TUBGCP2: variants seen among roughly 807,000 people sequenced by gnomAD.
The protein encoded by TUBGCP2 is tubulin gamma complex component 2, also known as gamma-tubulin complex component 2.
A neutral mutation model predicts 92.2 loss-of-function variants in TUBGCP2; 55 were observed. The observed-to-expected ratio is 0.60, with a 90% confidence interval of 0.48 to 0.75. The LOEUF is 0.75. Ranked by LOEUF, TUBGCP2 falls within the 30% of genes least tolerant of loss-of-function variation. TUBGCP2 has a pLI of 0.00. For synonymous variants in TUBGCP2, 533 were observed against 505.2 expected, an observed-to-expected ratio of 1.06 and a Z score of -0.74; for missense variants, 1,093 against 1,188.9, an observed-to-expected ratio of 0.92 and a Z score of 1.19.
At chr10:133,284,401 C>A (rs958249110) in intron 13 of TUBGCP2, among the ~76,000 whole-genome samples, 1 of 152,226 alleles carries the variant, frequency 6.6e-6, no homozygotes, top group African/African-American at 2.4e-5. Flanking sequence ...GTCTTGCTGT[C>A]GCTCAGACTG....
intron 1 of TUBGCP2, 189 bp downstream of exon 1, chr10:133,308,634 C>T (rs947950940): frequency 9.2e-5 from 18 of 195,424 alleles, no homozygotes; most frequent in East Asian, 7.1e-4. Flanking sequence ...GGCCGCGGGG[C>T]AAGACGCTGG....
intron 5 of TUBGCP2, among the ~76,000 whole-genome samples, 199 bp from the exon 6 acceptor site, chr10:133,293,968 T>C (rs2136127620): frequency 6.6e-6 from 1 of 152,358 alleles, no homozygotes; most frequent in South Asian, 2.1e-4. Flanking sequence ...GGGGCCGGCC[T>C]GGGAGGCGTG....
Position 133,302,893 on chromosome 10 carries a change from G to A in TUBGCP2, c.49C>T (p.Leu17=), listed in dbSNP as rs749763356. ...HHDVNELLSL[L]RVHGGDGAEV... ...GCCCCATCTCCTCCGTGGACACGCA[G>A]CAGGCTAAGCAGTTCATTGACGTCA... Residue 17 remains leucine, a synonymous_variant, in exon 2 of 18, where the codon CTG becomes TTG. Transcript: ENST00000252936. The A allele has an allele frequency of 1.2e-6, 2 of 1,614,050 alleles. No individual in the cohort carries two copies. The highest frequency in any genetic ancestry group is 1.7e-6 in the Non-Finnish European group (2 of 1,180,004).
chr10:133,303,423 C>T (rs1024764538), intron 1 of TUBGCP2, among the ~76,000 whole-genome samples: 4 of 152,124 alleles, frequency 2.6e-5, no homozygotes, highest in Non-Finnish European at 5.9e-5. Flanking sequence ...GGGCCTGAGA[C>T]CCAGGTTCCC....
At chr10:133,302,687 CG>C (rs1330648021) in intron 2 of TUBGCP2, 104 bp downstream of exon 2, 1 of 1,423,302 alleles carries the variant, frequency 7.0e-7, no homozygotes, top group Non-Finnish European at 9.6e-7. Context: ...GACCCAGGAA[CG>C]GCGCTCACCC....
chr10:133,286,760 CAT>C (rs1475874157), intron 11 of TUBGCP2, among the ~76,000 whole-genome samples: 1 of 152,208 alleles, frequency 6.6e-6, no homozygotes, highest in African/African-American at 2.4e-5. Context: ...ACTTCACAAA[CAT>C]GTGGAAGTTA....
At chr10:133,296,431 G>A (rs1265099609) in intron 5 of TUBGCP2, among the ~76,000 whole-genome samples, 1 of 151,916 alleles carries the variant, frequency 6.6e-6, no homozygotes, top group Non-Finnish European at 1.5e-5. Context: ...TCACAGTTGG[G>A]TTTTCACAGT....
In TUBGCP2 at chr10:133,281,367, T is replaced by C; in HGVS notation, c.2479A>G (p.Lys827Glu). ...GFEATINKFDKNFSAHLLDLL... is the reference protein window; with the variant it reads ...GFEATINKFDENFSAHLLDLL... Reference sequence around the variant, plus strand: ...TCCAGCAGGTGGGCTGAGAAGTTCTTGTCAAACTTGTTGATGGTGGCCTCG... The same window carrying C: ...TCCAGCAGGTGGGCTGAGAAGTTCTCGTCAAACTTGTTGATGGTGGCCTCG... The change falls in exon 17 of 18, where the codon AAG (lysine) becomes GAG (glutamate). Residue 827 changes from lysine (K) to glutamate (E), a missense_variant. Lys to Glu is a moderately conservative substitution (Grantham distance 56). Around this residue, in one of 3 missense-constraint regions of TUBGCP2, gnomAD observed 598 missense variants for 675.5 expected, o/e 0.89. Coordinates refer to ENST00000252936, the MANE Select transcript of TUBGCP2 (RefSeq NM_006659.4). 6.2e-7 allele frequency: 1 copy of C among 1,613,898 alleles called. No individual in the cohort carries two copies. The highest frequency in any genetic ancestry group is 8.5e-7 in the Non-Finnish European group (1 of 1,180,018).
At chr10:133,309,908 C>T, upstream of TUBGCP2, 5 of 1,613,682 alleles carry the variant, frequency 3.1e-6, no homozygotes, top group Non-Finnish European at 4.2e-6. Context: ...CTTCCGGACA[C>T]CTGCTGGACG....
At chr10:133,309,302 T>C (rs1453680079), upstream of TUBGCP2, 1 of 1,488,784 alleles carries the variant, frequency 6.7e-7, no homozygotes, top group Admixed American at 2.0e-5. Context: ...GAGCGCGGGA[T>C]GACTGGGGCC....
rs920368350 is a variant in TUBGCP2, at chr10:133,282,453, C to A, written c.2290-111G>T. ...CCCTCCGCACCTCTGTTGTAGCCTGCGGCTGGGGGTACACAAGCATCTCTG... is the reference window on the plus strand; with the variant it reads ...CCCTCCGCACCTCTGTTGTAGCCTGAGGCTGGGGGTACACAAGCATCTCTG... On this transcript the variant is annotated intron_variant, in intron 15 of 17. Transcript: ENST00000252936. 5 of 1,391,602 alleles carry A rather than the reference C, an allele frequency of 3.6e-6. No individual in the cohort carries two copies. The South Asian group carries it at 7.5e-5, about 21-fold the overall frequency. 86.2% of individuals were successfully genotyped at this position (1,391,602 alleles called of 1,614,324 possible).
chr10:133,279,457 T>C lies in TUBGCP2; in HGVS notation c.*309A>G. On this transcript the variant is annotated 3_prime_UTR_variant, in exon 18 of 18. Coordinates refer to ENST00000252936, the MANE Select transcript of TUBGCP2 (RefSeq NM_006659.4). ...CACCAGGCCTGGATCTTACCCCACA[T>C]GCATCTTTGCTTGCTCCTGGCTTAA... is the stretch of plus-strand genomic sequence containing the variant. 2 of 351,434 alleles carry C rather than the reference T, an allele frequency of 5.7e-6. No individual in the cohort carries two copies. Among genetic ancestry groups the C allele is most frequent in the South Asian group, 3.7e-5 (1 of 27,134 alleles). The allele number at this position is 351,434 out of a possible 1,614,324, so 21.8% of individuals were successfully genotyped here. A position where few individuals can be genotyped will look rare whatever the true frequency, so the allele number is the denominator to read the frequency against.
chr10:133,288,237 C>A lies in TUBGCP2; in HGVS notation c.1614G>T (p.Glu538Asp). The A allele has an allele frequency of 6.2e-7, 1 of 1,613,804 alleles. No homozygotes were observed. The highest frequency in any genetic ancestry group is 8.5e-7 in the Non-Finnish European group (1 of 1,179,970). ...FVHFMDLAEEELRKPVEDITP... is the reference protein window; with the variant it reads ...FVHFMDLAEEDLRKPVEDITP... ...TGATGTCCTCCACCGGCTTCCGGAG[C>A]TCCTCCTCCGCGAGGTCCATGAAGT... Residue 538 changes from glutamate (E) to aspartate (D), a missense_variant, in exon 11 of 18, where the codon GAG becomes GAT. Physicochemically the swap from Glu to Asp is conservative, Grantham distance 45 (BLOSUM62 2). Coordinates refer to ENST00000252936, the MANE Select transcript of TUBGCP2 (RefSeq NM_006659.4).
intron 14 of TUBGCP2, 86 bp downstream of exon 14, chr10:133,283,796 C>T: frequency 6.4e-7 from 1 of 1,570,770 alleles, no homozygotes. Context: ...CTGCCTCTCC[C>T]CTCGCCCTGC....
Position 133,279,435 on chromosome 10 carries a change from C to G in TUBGCP2, c.*331G>C. The G allele has an allele frequency of 7.3e-6, 2 of 272,116 alleles. No homozygotes were observed. The highest frequency in any genetic ancestry group is 1.4e-5 in the Non-Finnish European group (2 of 144,314). 16.9% of individuals were successfully genotyped at this position (272,116 alleles called of 1,614,324 possible). ...AGCTCACCCGGAAAGATGTGGACAC[C>G]AGGCCTGGATCTTACCCCACATGCA... On this transcript the variant is annotated 3_prime_UTR_variant, in exon 18 of 18. Transcript: ENST00000252936.
rs113161558 is a variant in TUBGCP2, at chr10:133,297,019, T to C, written c.616+933A>G. Among the ~76,000 whole-genome samples, 40 of 152,314 alleles carry C rather than the reference T, an allele frequency of 2.6e-4. 1 individual carries two copies. Among genetic ancestry groups the C allele is most frequent in the African/African-American group, 9.4e-4 (39 of 41,562 alleles). On this transcript the variant is annotated intron_variant, in intron 5 of 17. Transcript: ENST00000252936. ...TAGTGGGGAAGCAGACCACGCTCCA[T>C]GCTGCCTCTTGAGTTTGGACTAACG...
chr10:133,311,588 A>G, upstream of TUBGCP2: 12 of 789,700 alleles, frequency 1.5e-5, no homozygotes, highest in Non-Finnish European at 2.4e-5. Context: ...AAATCAGACT[A>G]TGCCAAAATA....
At chr10:133,279,976 G>T in intron 17 of TUBGCP2, 75 bp from the exon 18 acceptor site, 1 of 1,554,524 alleles carries the variant, frequency 6.4e-7, no homozygotes, top group Admixed American at 2.1e-5. Flanking sequence ...GGTGTGGAAG[G>T]ACGGTGCAGC....
rs1019388950 is a variant in TUBGCP2 at position 133,279,054 on chromosome 10, C to T, written c.*712G>A. ...TGGGAAGACAGGGCAGATGATCGCC[C>T]GAGGGGGATTGGGTGTCAGTCTGCT... is the stretch of plus-strand genomic sequence containing the variant. On this transcript the variant is annotated 3_prime_UTR_variant, in exon 18 of 18. Transcript: ENST00000252936. The T allele has an allele frequency of 2.0e-5, 3 of 152,328 alleles. No homozygotes were observed. The highest frequency in any genetic ancestry group is 2.1e-4 in the South Asian group (1 of 4,854). 9.4% of individuals were successfully genotyped at this position (152,328 alleles called of 1,614,324 possible). A position where few individuals can be genotyped will look rare whatever the true frequency, so the allele number is the denominator to read the frequency against.
Sources: gnomAD v4.1 joint callset for allele counts (sites outside exome capture counted in the v4.1 genomes callset) on GRCh38, gnomAD v4.1.1 for gene constraint, gnomAD v4.1.1 regional missense constraint, MANE v1.5 for transcripts, NCBI Gene and HGNC (gene_info 2026-07-23, HGNC 2026-07-21) for gene names.